MACF1: variants seen among roughly 807,000 people sequenced by gnomAD.
MACF1 encodes the protein microtubule-actin cross-linking factor 1.
A neutral mutation model predicts 854.8 loss-of-function variants in MACF1; 193 were observed. The observed-to-expected ratio is 0.23, with a 90% confidence interval of 0.20 to 0.25. The LOEUF is 0.25. MACF1 is among the 10% of genes least tolerant of loss of function. The pLI is 1.00. For synonymous variants in MACF1, 3,185 were observed against 3,226.7 expected (o/e 0.99, Z 0.44); for missense variants, 7,722 against 8,929.1 (o/e 0.86, Z 5.45).
At chr1:39,114,182 GTTTTTTTT>G (rs10715454) in intron 2 of MACF1, among the ~76,000 whole-genome samples, 5 of 142,452 alleles carry the variant, frequency 3.5e-5, no homozygotes, top group African/African-American at 7.8e-5. Flanking sequence ...ATACTTTACT[GTTTTTTTT>G]TTTTTTTTAC....
intron 6 of MACF1, among the ~76,000 whole-genome samples, chr1:39,271,388 C>G (rs766903677): frequency 6.6e-6 from 1 of 152,114 alleles, no homozygotes; most frequent in Non-Finnish European, 1.5e-5. Flanking sequence ...TGAAAACCCA[C>G]CTACCCTCAC....
Position 39,302,944 on chromosome 1 carries a change from T to C in MACF1, c.2655T>C (p.Asp885=). Reference sequence around the variant, plus strand: ...TTCAGATTACTATTTGCAAAAATGATGAATGTGTGCTAGAAGATAATTCTC... The same window carrying C: ...TTCAGATTACTATTTGCAAAAATGACGAATGTGTGCTAGAAGATAATTCTC... ...RQIEITICKN[D]ECVLEDNSQR... The change falls in exon 23 of 101, where the codon GAT becomes GAC. Residue 885 remains aspartate (D), a synonymous_variant. Coordinates refer to ENST00000564288, the MANE Select transcript of MACF1 (RefSeq NM_001394062.1). The C allele has an allele frequency of 6.2e-7, 1 of 1,613,852 alleles. No homozygotes were observed.
intron 90 of MACF1, chr1:39,458,863 C>T (rs1644494568): frequency 1.9e-6 from 1 of 530,452 alleles, no homozygotes; most frequent in Admixed American, 3.7e-5. Flanking sequence ...TAAGGTAGGA[C>T]AGAATTGCTT....
chr1:39,404,130 AAAAT>A (rs1210821625), intron 58 of MACF1, among the ~76,000 whole-genome samples: 8 of 144,898 alleles, frequency 5.5e-5, no homozygotes, highest in Non-Finnish European at 1.2e-4. Flanking sequence ...CTGCCTCAAA[AAAAT>A]AAATAAATAA....
At chr1:39,466,769 A>T (rs1644677614) in intron 95 of MACF1, among the ~76,000 whole-genome samples, 1 of 152,206 alleles carries the variant, frequency 6.6e-6, no homozygotes, top group African/African-American at 2.4e-5. Context: ...GTCTGGGTTC[A>T]GTGCTGCTGC....
In MACF1 at chr1:39,487,128, G is replaced by C. The variant is rs1645109505; in HGVS notation, c.*1334G>C. 6.6e-6 allele frequency: 1 copy of C among 152,216 alleles called. No individual in the cohort carries two copies. The highest frequency in any genetic ancestry group is 1.5e-5 in the Non-Finnish European group (1 of 68,040). 9.4% of individuals were successfully genotyped at this position (152,216 alleles called of 1,614,324 possible). A position where few individuals can be genotyped will look rare whatever the true frequency, so the allele number is the denominator to read the frequency against. On this transcript the variant is annotated 3_prime_UTR_variant, in exon 101 of 101. Coordinates refer to ENST00000564288, the MANE Select transcript of MACF1 (RefSeq NM_001394062.1). ...TAAATTATAGAGCTTAATAGATCTT[G>C]TTTTATTTCATCCTTGTTAATTTTG... is the stretch of plus-strand genomic sequence containing the variant.
chr1:39,295,967 T>C, intron 20 of MACF1, 85 bp downstream of exon 20: 3 of 1,200,112 alleles, frequency 2.5e-6, no homozygotes, highest in Non-Finnish European at 3.6e-6. Flanking sequence ...TAGTGTGCTT[T>C]TGTTGTATAA....
chr1:39,279,396 C>T (rs1241334197), intron 6 of MACF1, among the ~76,000 whole-genome samples: 1 of 151,838 alleles, frequency 6.6e-6, no homozygotes, highest in Non-Finnish European at 1.5e-5. Flanking sequence ...AAGTTCCTGG[C>T]CCTTTTTTTT....
At chr1:39,240,015 G>A (rs1173941029) in intron 2 of MACF1, among the ~76,000 whole-genome samples, 1 of 152,096 alleles carries the variant, frequency 6.6e-6, no homozygotes, top group Non-Finnish European at 1.5e-5. Flanking sequence ...GCCTTCCCGA[G>A]TGCTAGGATT....
chr1:39,126,974 G>A (rs1040328697), intron 2 of MACF1, among the ~76,000 whole-genome samples: 1 of 152,220 alleles, frequency 6.6e-6, no homozygotes, highest in Non-Finnish European at 1.5e-5. Flanking sequence ...GCTCAAGCCT[G>A]TAATCCCAGC....
chr1:39,152,809 A>C (rs1162542509), intron 2 of MACF1, among the ~76,000 whole-genome samples: 1 of 152,142 alleles, frequency 6.6e-6, no homozygotes, highest in Non-Finnish European at 1.5e-5. Context: ...AAAAGCAACA[A>C]AAGAATGCTA....
intron 66 of MACF1, among the ~76,000 whole-genome samples, chr1:39,432,083 T>A: frequency 6.6e-6 from 1 of 152,196 alleles, no homozygotes; most frequent in East Asian, 1.9e-4. Flanking sequence ...AAATGTGTTG[T>A]TCTTTTGGGG....
chr1:39,240,238 G>A (rs1370700270), intron 2 of MACF1, among the ~76,000 whole-genome samples: 3 of 152,178 alleles, frequency 2.0e-5, no homozygotes, highest in South Asian at 2.1e-4. Context: ...AGAATGAGAC[G>A]GGCAGTGGAG....
intron 20 of MACF1, among the ~76,000 whole-genome samples, chr1:39,296,815 G>GAAGGAAGGAAGGAAAAGAAAGA (rs1557571540): frequency 2.1e-5 from 1 of 47,656 alleles, no homozygotes; most frequent in Non-Finnish European, 4.2e-5. Context: ...AGAAAGAAAG[G>GAAGGAAGGAAGGAAAAGAAAGA]AAGGAAGGAA....
At chr1:39,186,423 C>T (rs1211676833) in intron 2 of MACF1, among the ~76,000 whole-genome samples, 1 of 151,718 alleles carries the variant, frequency 6.6e-6, no homozygotes, top group Non-Finnish European at 1.5e-5. Context: ...CGCGCCACCA[C>T]GCCCGGCCTA....
chr1:39,413,094 G>C, intron 58 of MACF1: 1 of 1,605,266 alleles, frequency 6.2e-7, no homozygotes, highest in Non-Finnish European at 8.5e-7. Context: ...TCACACAGGA[G>C]GGTATGTCAG....
chr1:39,410,355 C>T, intron 58 of MACF1: 1 of 1,613,956 alleles, frequency 6.2e-7, no homozygotes, highest in Non-Finnish European at 8.5e-7. Flanking sequence ...ACATAGAGGA[C>T]TGCTATGTTC....
intron 70 of MACF1, chr1:39,436,568 C>A: frequency 7.4e-7 from 1 of 1,354,690 alleles, no homozygotes; most frequent in Non-Finnish European, 1.1e-6. Flanking sequence ...AAGGGAATTT[C>A]CCTTAACTTT....
intron 58 of MACF1, among the ~76,000 whole-genome samples, chr1:39,390,823 A>G (rs571949703): frequency 8.5e-5 from 13 of 152,298 alleles, no homozygotes; most frequent in Non-Finnish European, 1.5e-5. Context: ...GTTTTGTTTT[A>G]TCAGCCGGGT....
Sources: gnomAD v4.1 joint callset for allele counts (sites outside exome capture counted in the v4.1 genomes callset) on GRCh38, gnomAD v4.1.1 for gene constraint, MANE v1.5 for transcripts, NCBI Gene and HGNC (gene_info 2026-07-23, HGNC 2026-07-21) for gene names.